PLA2G4A: variants seen among roughly 807,000 people sequenced by gnomAD.
PLA2G4A encodes the protein phospholipase A2 group IVA.
PLA2G4A carries 40 observed loss-of-function variants against 81.9 expected under a neutral mutation model. That is an observed-to-expected ratio of 0.49 (90% CI 0.38 to 0.64). The LOEUF (loss-of-function observed/expected upper bound fraction) is 0.64. Ranked by LOEUF, PLA2G4A falls within the 30% of genes least tolerant of loss-of-function variation. The pLI is 0.00. For synonymous variants in PLA2G4A, 302 were observed against 296.9 expected (o/e 1.02, Z -0.18); for missense variants, 715 against 905.1 (o/e 0.79, Z 2.69).
At chr1:186,835,473 T>C (rs1651745692) in intron 1 of PLA2G4A, among the ~76,000 whole-genome samples, 1 of 152,168 alleles carries the variant, frequency 6.6e-6, no homozygotes, top group South Asian at 2.1e-4. Context: ...CAGGGAAAAG[T>C]GTCTAAAGAT....
chr1:186,830,587 G>GA (rs372278308), intron 1 of PLA2G4A, among the ~76,000 whole-genome samples: 1 of 95,762 alleles, frequency 1.0e-5, no homozygotes, highest in Non-Finnish European at 1.9e-5. Flanking sequence ...CTGCCTGAGC[G>GA]AAAACAGCGA....
chr1:186,861,074 A>G (rs1652779354), intron 2 of PLA2G4A, among the ~76,000 whole-genome samples: 1 of 152,200 alleles, frequency 6.6e-6, no homozygotes, highest in African/African-American at 2.4e-5. Context: ...GGTGAAAAAT[A>G]GAAGTAATCC....
intron 1 of PLA2G4A, among the ~76,000 whole-genome samples, chr1:186,831,193 C>T (rs1475152411): frequency 6.6e-6 from 1 of 151,948 alleles, no homozygotes; most frequent in African/African-American, 2.4e-5. Flanking sequence ...CACAAATCCC[C>T]AAAGACAATT....
chr1:186,959,891 C>A (rs1263572416), intron 14 of PLA2G4A, among the ~76,000 whole-genome samples: 1 of 148,308 alleles, frequency 6.7e-6, no homozygotes, highest in African/African-American at 2.5e-5. Flanking sequence ...AATTTTGCAA[C>A]CCCCATGCCA....
At chr1:186,857,401 A>T (rs1293054546) in intron 2 of PLA2G4A, among the ~76,000 whole-genome samples, 2 of 128,400 alleles carry the variant, frequency 1.6e-5, no homozygotes, top group East Asian at 4.2e-4. Flanking sequence ...ATAATATATA[A>T]TATATATTAT....
At chr1:186,939,865 G>A (rs1298665152) in intron 9 of PLA2G4A, 115 bp from the exon 10 acceptor site, 1 of 662,118 alleles carries the variant, frequency 1.5e-6, no homozygotes, top group Non-Finnish European at 2.7e-6. Flanking sequence ...GAAGTAATAA[G>A]ACTTATTTTT....
intron 7 of PLA2G4A, among the ~76,000 whole-genome samples, chr1:186,927,297 T>A (rs1655581774): frequency 6.6e-6 from 1 of 152,220 alleles, no homozygotes; most frequent in Non-Finnish European, 1.5e-5. Context: ...AATTTCTTTA[T>A]GAGAAGAGGG....
At chr1:186,878,571 CTCTTA>C (rs1653606322) in intron 3 of PLA2G4A, among the ~76,000 whole-genome samples, 1 of 151,714 alleles carries the variant, frequency 6.6e-6, no homozygotes, top group Non-Finnish European at 1.5e-5. Context: ...TCTCTCACAT[CTCTTA>C]TCTTGTCTTT....
At chr1:186,881,369 AGTT>A (rs569355291) in intron 3 of PLA2G4A, among the ~76,000 whole-genome samples, 15 of 152,218 alleles carry the variant, frequency 9.9e-5, no homozygotes, top group African/African-American at 2.9e-4. Context: ...GCAATGCTCA[AGTT>A]GTTGTAAAAT....
chr1:186,983,890 A>G (rs1400539083), intron 17 of PLA2G4A, among the ~76,000 whole-genome samples: 4 of 152,102 alleles, frequency 2.6e-5, no homozygotes, highest in Non-Finnish European at 5.9e-5. Flanking sequence ...CTATTTTGTA[A>G]AGGGAAACGA....
intron 7 of PLA2G4A, among the ~76,000 whole-genome samples, chr1:186,923,640 T>C (rs1012364852): frequency 2.6e-5 from 4 of 152,236 alleles, no homozygotes; most frequent in African/African-American, 9.6e-5. Context: ...TGCAAGAGGA[T>C]GACTCACCCT....
intron 1 of PLA2G4A, among the ~76,000 whole-genome samples, chr1:186,836,248 G>A (rs954627246): frequency 6.6e-6 from 1 of 150,528 alleles, no homozygotes; most frequent in Non-Finnish European, 1.5e-5. Context: ...AATTAATTCA[G>A]GTAAATCATT....
intron 15 of PLA2G4A, among the ~76,000 whole-genome samples, chr1:186,971,880 T>G (rs1442417678): frequency 6.6e-6 from 1 of 152,108 alleles, no homozygotes; most frequent in African/African-American, 2.4e-5. Flanking sequence ...ATGATTTTAT[T>G]AAGGTAATTA....
chr1:186,838,281 T>C (rs2102002388), intron 1 of PLA2G4A, among the ~76,000 whole-genome samples: 1 of 151,184 alleles, frequency 6.6e-6, no homozygotes, highest in East Asian at 1.9e-4. Context: ...AGAGTGGGAG[T>C]TTTTAAAGAC....
At chr1:186,892,224 C>A (rs1654167846) in intron 3 of PLA2G4A, among the ~76,000 whole-genome samples, 1 of 152,056 alleles carries the variant, frequency 6.6e-6, no homozygotes, top group South Asian at 2.1e-4. Flanking sequence ...CAAATATTTT[C>A]TCCCATTCTG....
intron 15 of PLA2G4A, among the ~76,000 whole-genome samples, chr1:186,967,187 A>G (rs1030465964): frequency 6.6e-6 from 1 of 152,204 alleles, no homozygotes; most frequent in Admixed American, 6.5e-5. Context: ...AATGGTTATT[A>G]TAATAACTCT....
chr1:186,867,828 A>G (rs938226194), intron 2 of PLA2G4A, among the ~76,000 whole-genome samples: 9 of 152,072 alleles, frequency 5.9e-5, no homozygotes, highest in African/African-American at 2.2e-4. Flanking sequence ...CATTAATTAT[A>G]GGTTTTTTGT....
chr1:186,830,987 TTTCTTTCTTTC>T, intron 1 of PLA2G4A, among the ~76,000 whole-genome samples: 1 of 141,556 alleles, frequency 7.1e-6, no homozygotes, highest in South Asian at 2.2e-4. Context: ...TCTTTCTTTC[TTTCTTTCTTTC>T]TTTCTTTCTT....
chr1:186,933,901 C>T (rs1377052575), intron 8 of PLA2G4A, among the ~76,000 whole-genome samples: 1 of 152,088 alleles, frequency 6.6e-6, no homozygotes, highest in African/African-American at 2.4e-5. Context: ...TCTGGGACAT[C>T]TATATATTTT....
Sources: allele counts gnomAD v4.1 joint callset (sites outside exome capture counted in the v4.1 genomes callset), GRCh38; gene constraint gnomAD v4.1.1; transcripts MANE v1.5; gene names NCBI Gene and HGNC (gene_info 2026-07-23, HGNC 2026-07-21).